Variants in C11orf65 observed in about 807,000 individuals in gnomAD.
The protein encoded by C11orf65 is chromosome 11 open reading frame 65.
A neutral mutation model predicts 35.3 loss-of-function variants in C11orf65; 38 were observed. The observed-to-expected ratio is 1.08, with a 90% CI of 0.83 to 1.41. The LOEUF (loss-of-function observed/expected upper bound fraction) is 1.41. Among genes scored for constraint, C11orf65 ranks in the 40% most tolerant of loss-of-function variants. The pLI is 0.00. For synonymous variants in C11orf65, 105 were observed against 114.4 expected (o/e 0.92, Z 0.53); for missense variants, 370 against 367.1 (o/e 1.01, Z -0.06).
intron 3 of C11orf65, among the ~76,000 whole-genome samples, chr11:108,411,928 C>T (rs978921477): frequency 2.0e-5 from 3 of 151,558 alleles, no homozygotes; most frequent in Non-Finnish European, 4.4e-5. Context: ...CTGGGATTTA[C>T]TTTTGCCTGA....
At chr11:108,375,444 T>C (rs997174182) in intron 2 of C11orf65, among the ~76,000 whole-genome samples, 1 of 150,580 alleles carries the variant, frequency 6.6e-6, no homozygotes, top group Non-Finnish European at 1.5e-5. Context: ...CTGAGAGATT[T>C]TGTCACCACC....
intron 3 of C11orf65, among the ~76,000 whole-genome samples, chr11:108,332,419 C>T (rs971756256): frequency 2.0e-5 from 3 of 151,700 alleles, no homozygotes; most frequent in Non-Finnish European, 4.4e-5. Flanking sequence ...GCAACAAGAG[C>T]GAAACTCTGT....
chr11:108,437,111 G>A (rs868676166), intron 2 of C11orf65, among the ~76,000 whole-genome samples: 323 of 15,960 alleles, frequency 0.02, 1 homozygote, highest in South Asian at 0.076. Context: ...AAAAAAAAAA[G>A]GGGGGGGGTG....
chr11:108,402,291 C>T (rs754986831), intron 6 of C11orf65, among the ~76,000 whole-genome samples: 1 of 152,218 alleles, frequency 6.6e-6, no homozygotes, highest in Non-Finnish European at 1.5e-5. Flanking sequence ...CAACAAGGCA[C>T]TTTGGAAGTT....
At chr11:108,432,256 G>C (rs2093000482) in intron 2 of C11orf65, among the ~76,000 whole-genome samples, 1 of 152,140 alleles carries the variant, frequency 6.6e-6, no homozygotes, top group Non-Finnish European at 1.5e-5. Context: ...TTTGCACTCA[G>C]TTTCTTCAAC....
In C11orf65 at chr11:108,431,177, C is replaced by CA. The variant is rs894137819; in HGVS notation, c.174+568dup. On this transcript the variant is annotated intron_variant, in intron 3 of 8. Coordinates refer to ENST00000393084, the MANE Select transcript of C11orf65 (RefSeq NM_152587.5). ...ATTCCATTTCTAGGTGTAGTATAAACAAAAAAAAAATGTGTACACTTATCC... is the reference window on the plus strand; with the variant it reads ...ATTCCATTTCTAGGTGTAGTATAAACAAAAAAAAAAATGTGTACACTTATCC... Among the ~76,000 whole-genome samples the CA allele has an allele frequency of 8.2e-3, 1,157 of 141,762 alleles. 11 individuals are homozygous for CA. Among genetic ancestry groups the CA allele is most frequent in the African/African-American group, 0.027 (1,059 of 38,624 alleles). 93.0% of individuals were successfully genotyped at this position (141,762 alleles called of 152,430 possible). A position where few individuals can be genotyped will look rare whatever the true frequency, so the allele number is the denominator to read the frequency against.
intron 2 of C11orf65, among the ~76,000 whole-genome samples, chr11:108,352,149 C>T (rs998911373): frequency 2.0e-5 from 3 of 152,186 alleles, no homozygotes; most frequent in African/African-American, 7.2e-5. Context: ...AGGAAAATCT[C>T]AACTTTAATG....
chr11:108,434,412 G>C (rs548331922), intron 2 of C11orf65, among the ~76,000 whole-genome samples: 88 of 152,110 alleles, frequency 5.8e-4, no homozygotes, highest in Non-Finnish European at 1.1e-3. Context: ...GGCTGAGGCA[G>C]GAGAATCGCT....
intron 2 of C11orf65, chr11:108,366,394 ATGT>A: frequency 4.6e-6 from 1 of 216,956 alleles, no homozygotes. Context: ...GTCATTTTTA[ATGT>A]TTTTTTAATG....
intron 2 of C11orf65, among the ~76,000 whole-genome samples, chr11:108,459,806 T>C (rs932348032): frequency 6.6e-6 from 1 of 150,580 alleles, no homozygotes; most frequent in South Asian, 2.1e-4. Flanking sequence ...TGAAGCTCCT[T>C]CAAGGGCAAG....
intron 3 of C11orf65, among the ~76,000 whole-genome samples, chr11:108,421,726 C>G (rs2092819862): frequency 6.6e-6 from 1 of 152,172 alleles, no homozygotes; most frequent in Admixed American, 6.6e-5. Context: ...ATATTTTACA[C>G]TCTGGCCCCA....
At chr11:108,325,264 T>C in intron 6 of C11orf65, 1 of 1,085,966 alleles carries the variant, frequency 9.2e-7, no homozygotes, top group Non-Finnish European at 1.3e-6. Context: ...TTTTTTTTTT[T>C]TTTTCATTTC....
chr11:108,397,029 G>C (rs1278124497), intron 6 of C11orf65, among the ~76,000 whole-genome samples: 1 of 151,702 alleles, frequency 6.6e-6, no homozygotes. Context: ...CTTTTAAAAA[G>C]ACCTAAAATT....
chr11:108,439,996 A>G (rs1227414231), intron 2 of C11orf65, among the ~76,000 whole-genome samples: 1 of 152,224 alleles, frequency 6.6e-6, no homozygotes, highest in African/African-American at 2.4e-5. Flanking sequence ...TAAAAAAGTG[A>G]ACACTGGCTG....
At chr11:108,335,250 A>G (rs1159507302) in exon 3 of C11orf65, 1 of 1,537,082 alleles carries the variant, frequency 6.5e-7, no homozygotes, top group East Asian at 2.4e-5. Context: ...GTAGAAATGC[A>G]TTATTTTCTA....
chr11:108,450,985 C>G (rs1238657474), intron 2 of C11orf65, among the ~76,000 whole-genome samples: 1 of 151,960 alleles, frequency 6.6e-6, no homozygotes, highest in East Asian at 1.9e-4. Context: ...TCTCAATAAA[C>G]TAGGTACTGA....
At chr11:108,332,309 G>A (rs761868598) in intron 3 of C11orf65, among the ~76,000 whole-genome samples, 33 of 152,122 alleles carry the variant, frequency 2.2e-4, no homozygotes, top group Non-Finnish European at 4.4e-4. Flanking sequence ...GTGGGCACCT[G>A]TAGTCCCAGC....
chr11:108,416,968 T>C (rs2092742482), intron 3 of C11orf65, among the ~76,000 whole-genome samples: 1 of 152,154 alleles, frequency 6.6e-6, no homozygotes, highest in Non-Finnish European at 1.5e-5. Flanking sequence ...AAGATAAAAA[T>C]GCAAATCTAT....
At chr11:108,328,498 G>A (rs1285924252), downstream of C11orf65, among the ~76,000 whole-genome samples, 4 of 151,912 alleles carry the variant, frequency 2.6e-5, no homozygotes, top group Non-Finnish European at 4.4e-5. Context: ...CACCTGCCTC[G>A]GCCTCCCAAA....
Sources: gnomAD v4.1 joint callset for allele counts (sites outside exome capture counted in the v4.1 genomes callset) on GRCh38, gnomAD v4.1.1 for gene constraint, MANE v1.5 for transcripts, NCBI Gene and HGNC (gene_info 2026-07-23, HGNC 2026-07-21) for gene names.